Variants in LRRC3B observed in about 807,000 individuals in gnomAD.
The protein encoded by LRRC3B is leucine-rich repeat-containing protein 3B.
Under a neutral mutation model 12.8 loss-of-function variants are expected in LRRC3B, and 2 were observed. The observed-to-expected ratio is 0.16, with a 90% CI of 0.06 to 0.49. The LOEUF is 0.49. LRRC3B is among the 20% of genes least tolerant of loss of function. The pLI, the probability that LRRC3B is intolerant of heterozygous loss-of-function variation, is 0.96. For missense variants in LRRC3B, 189 were observed against 319.4 expected (o/e 0.59, Z 3.11); for synonymous variants, 132 against 122.0 (o/e 1.08, Z -0.54).
intron 1 of LRRC3B, among the ~76,000 whole-genome samples, chr3:26,667,808 G>T (rs1307310720): frequency 1.3e-5 from 2 of 152,124 alleles, no homozygotes; most frequent in African/African-American, 2.4e-5. Flanking sequence ...GGTGTCTCTT[G>T]TCAAAGAAGA....
intron 1 of LRRC3B, among the ~76,000 whole-genome samples, chr3:26,631,984 TTTG>T (rs1463270663): frequency 6.6e-6 from 1 of 152,246 alleles, no homozygotes; most frequent in Non-Finnish European, 1.5e-5. Context: ...GACTCATTTC[TTTG>T]CTTAGGGCTT....
chr3:26,677,723 C>T (rs1232261560), intron 1 of LRRC3B, among the ~76,000 whole-genome samples: 1 of 152,166 alleles, frequency 6.6e-6, no homozygotes, highest in Non-Finnish European at 1.5e-5. Flanking sequence ...ACATATAACA[C>T]ATTCTTATTG....
intron 1 of LRRC3B, among the ~76,000 whole-genome samples, chr3:26,648,102 A>G (rs1699190651): frequency 6.6e-6 from 1 of 151,250 alleles, no homozygotes; most frequent in African/African-American, 2.4e-5. Flanking sequence ...TTTTTCATCT[A>G]CTTACCTTTG....
chr3:26,688,809 A>G lies in LRRC3B; in HGVS notation c.-160-20704A>G, dbSNP rs558267591. On this transcript the variant is annotated intron_variant, in intron 1 of 1. Coordinates refer to ENST00000396641, the Ensembl canonical transcript of LRRC3B. ...GAGTGGGGACACAGATCCAGATCAT[A>G]TCACCATCTCACCCCCATAATCCCT... 6.4e-4 allele frequency among the ~76,000 whole-genome samples: 98 copies of G among 152,336 alleles called. 1 individual carries two copies. The highest frequency in any genetic ancestry group is 2.3e-3 in the African/African-American group (97 of 41,576).
intron 1 of LRRC3B, among the ~76,000 whole-genome samples, chr3:26,641,614 G>A (rs1699033194): frequency 6.6e-6 from 1 of 152,170 alleles, no homozygotes; most frequent in South Asian, 2.1e-4. Context: ...ACGTGGGCAC[G>A]TTGGGGCAGG....
rs766260739 is a variant in LRRC3B, at chr3:26,696,633, G to C, written c.-160-12880G>C. Among the ~76,000 whole-genome samples, 11 of 152,128 alleles carry C rather than the reference G, an allele frequency of 7.2e-5. No individual in the cohort carries two copies. The South Asian group carries it at 2.1e-3, about 29-fold the overall frequency. ...GCTTTTCACTGTTAGACTTGTCTTT[G>C]TTTGTACAATAAATTCTGTGGGCCC... is the stretch of plus-strand genomic sequence containing the variant. On this transcript the variant is annotated intron_variant, in intron 1 of 1. Transcript: ENST00000396641.
intron 1 of LRRC3B, among the ~76,000 whole-genome samples, chr3:26,665,026 G>A (rs981091569): frequency 1.3e-5 from 2 of 151,830 alleles, no homozygotes; most frequent in African/African-American, 4.8e-5. Flanking sequence ...ACCAGTTTAA[G>A]CAAAATGGGC....
intron 1 of LRRC3B, among the ~76,000 whole-genome samples, chr3:26,706,236 C>T (rs1700584093): frequency 1.3e-5 from 2 of 152,126 alleles, no homozygotes; most frequent in South Asian, 4.2e-4. Flanking sequence ...CTCAAAGGCC[C>T]CACCTCCAAA....
intron 1 of LRRC3B, among the ~76,000 whole-genome samples, chr3:26,709,209 C>T (rs577565750): frequency 4.6e-5 from 7 of 152,194 alleles, no homozygotes; most frequent in East Asian, 1.9e-4. Flanking sequence ...CTGTAGAATT[C>T]GAAGGGGTCC....
intron 1 of LRRC3B, among the ~76,000 whole-genome samples, chr3:26,694,162 T>A (rs1254963069): frequency 1.3e-5 from 2 of 152,166 alleles, no homozygotes; most frequent in Non-Finnish European, 2.9e-5. Flanking sequence ...GTATTGGTAG[T>A]AGTAATTGTA....
chr3:26,671,350 G>GTATATATATATATATATATA (rs1161960755), intron 1 of LRRC3B, among the ~76,000 whole-genome samples: 8 of 56,750 alleles, frequency 1.4e-4, no homozygotes, highest in African/African-American at 5.8e-4. Context: ...ATATATGTGT[G>GTATATATATATATATATATA]TATATATATA....
chr3:26,671,310 C>T (rs186981587), intron 1 of LRRC3B, among the ~76,000 whole-genome samples: 3 of 137,078 alleles, frequency 2.2e-5, no homozygotes, highest in African/African-American at 5.6e-5. Flanking sequence ...CCACCGCGCC[C>T]GGCCTCATGT....
At chr3:26,638,144 G>A (rs773701696) in intron 1 of LRRC3B, among the ~76,000 whole-genome samples, 14 of 152,074 alleles carry the variant, frequency 9.2e-5, no homozygotes, top group East Asian at 1.9e-4. Flanking sequence ...TGCATCTTCC[G>A]CCTTTCATGG....
intron 1 of LRRC3B, among the ~76,000 whole-genome samples, chr3:26,657,006 T>C (rs1327227137): frequency 6.6e-6 from 1 of 152,158 alleles, no homozygotes; most frequent in Admixed American, 6.5e-5. Context: ...TTTTCTATTA[T>C]TTAGGAGGAA....
chr3:26,698,138 G>A (rs1700365501), intron 1 of LRRC3B, among the ~76,000 whole-genome samples: 1 of 152,176 alleles, frequency 6.6e-6, no homozygotes, highest in Non-Finnish European at 1.5e-5. Flanking sequence ...GGTGGTGGTG[G>A]TGGCAGTAGT....
intron 1 of LRRC3B, among the ~76,000 whole-genome samples, chr3:26,695,394 G>C (rs1326473081): frequency 6.6e-6 from 1 of 152,102 alleles, no homozygotes; most frequent in Non-Finnish European, 1.5e-5. Context: ...GGGCATTGTG[G>C]TGAGCGCCTG....
At chr3:26,710,734 T>G in exon 2 of LRRC3B, 1 of 252,892 alleles carries the variant, frequency 4.0e-6, no homozygotes, top group Non-Finnish European at 8.1e-6. Flanking sequence ...TTTATTTTTT[T>G]AATTTAAAAG....
chr3:26,672,410 A>G (rs1194221029), intron 1 of LRRC3B, among the ~76,000 whole-genome samples: 1 of 152,200 alleles, frequency 6.6e-6, no homozygotes, highest in Non-Finnish European at 1.5e-5. Context: ...ATATGAAAAT[A>G]TCTCCTCATA....
chr3:26,646,943 C>T (rs1437405964), intron 1 of LRRC3B, among the ~76,000 whole-genome samples: 1 of 150,546 alleles, frequency 6.6e-6, no homozygotes, highest in African/African-American at 2.5e-5. Context: ...ATATGAGCCC[C>T]ACATCTTCCT....
Sources: allele counts gnomAD v4.1 joint callset (sites outside exome capture counted in the v4.1 genomes callset), GRCh38; gene constraint gnomAD v4.1.1; transcripts MANE v1.5; gene names NCBI Gene and HGNC (gene_info 2026-07-23, HGNC 2026-07-21).